PLCB4: variants seen among roughly 807,000 people sequenced by gnomAD.
PLCB4 encodes phospholipase C beta 4, also known as 1-phosphatidylinositol 4,5-bisphosphate phosphodiesterase beta-4.
Under a neutral mutation model 178.8 loss-of-function variants are expected in PLCB4, and 77 were observed. The observed-to-expected ratio is 0.43, with a 90% CI of 0.36 to 0.52. The LOEUF (loss-of-function observed/expected upper bound fraction) is 0.52. PLCB4 is among the 20% of genes least tolerant of loss of function. The pLI is 0.00. For missense variants in PLCB4, 1,024 were observed against 1,453.4 expected (o/e 0.70, Z 4.80); for synonymous variants, 496 against 490.8 (o/e 1.01, Z -0.14).
chr20:9,477,143 G>C (rs997041268), intron 39 of PLCB4, among the ~76,000 whole-genome samples: 1 of 152,112 alleles, frequency 6.6e-6, no homozygotes, highest in Non-Finnish European at 1.5e-5. Context: ...GCTGAAAGTT[G>C]GTTGGTGGTT....
chr20:9,425,531 G>T (rs532760763), intron 28 of PLCB4, among the ~76,000 whole-genome samples: 1 of 152,320 alleles, frequency 6.6e-6, no homozygotes, highest in East Asian at 1.9e-4. Flanking sequence ...GTTCAGAATG[G>T]ATGTAAGCAT....
At chr20:9,469,384 G>A (rs753561645) in intron 36 of PLCB4, among the ~76,000 whole-genome samples, 1 of 152,198 alleles carries the variant, frequency 6.6e-6, no homozygotes, top group Non-Finnish European at 1.5e-5. Flanking sequence ...GGCCAGTTCT[G>A]AATAGCAGCA....
chr20:9,233,695 A>C (rs2093959761), intron 3 of PLCB4, among the ~76,000 whole-genome samples: 1 of 152,158 alleles, frequency 6.6e-6, no homozygotes, highest in Non-Finnish European at 1.5e-5. Flanking sequence ...GGTTGCAAGT[A>C]AGTTTGAGAA....
At chr20:9,208,914 G>A (rs991148164) in intron 2 of PLCB4, among the ~76,000 whole-genome samples, 2 of 152,156 alleles carry the variant, frequency 1.3e-5, no homozygotes, top group African/African-American at 4.8e-5. Context: ...CAAGTCAGTT[G>A]AATGAAAGAG....
intron 1 of PLCB4, among the ~76,000 whole-genome samples, chr20:9,095,498 A>G (rs917790924): frequency 2.6e-5 from 4 of 152,236 alleles, no homozygotes; most frequent in African/African-American, 9.6e-5. Flanking sequence ...ATTTGACCGG[A>G]AACAGTTTAT....
chr20:9,081,182 CT>C (rs2090129869), intron 1 of PLCB4, among the ~76,000 whole-genome samples: 1 of 152,204 alleles, frequency 6.6e-6, no homozygotes, highest in Non-Finnish European at 1.5e-5. Context: ...ATAGACACTA[CT>C]TTATAAGTTT....
At chr20:9,153,606 T>G (rs1252154280) in intron 2 of PLCB4, among the ~76,000 whole-genome samples, 1 of 152,230 alleles carries the variant, frequency 6.6e-6, no homozygotes, top group Admixed American at 6.5e-5. Flanking sequence ...CGGATATGTC[T>G]TTATCATCAG....
intron 3 of PLCB4, among the ~76,000 whole-genome samples, chr20:9,271,712 CTT>C (rs1333747189): frequency 1.3e-5 from 2 of 152,100 alleles, no homozygotes; most frequent in Non-Finnish European, 2.9e-5. Context: ...ATTAGAAACA[CTT>C]AGCTTCTTCC....
intron 7 of PLCB4, among the ~76,000 whole-genome samples, chr20:9,339,980 T>A (rs2032986757): frequency 6.6e-6 from 1 of 152,116 alleles, no homozygotes. Context: ...CTGTAATGTG[T>A]GTGAAAAGGA....
intron 3 of PLCB4, among the ~76,000 whole-genome samples, chr20:9,285,262 T>C (rs138355054): frequency 6.6e-6 from 1 of 152,078 alleles, no homozygotes; most frequent in East Asian, 1.9e-4. Context: ...ACCAGCCTTG[T>C]TATGAACACA....
chr20:9,382,307 C>T, intron 13 of PLCB4, among the ~76,000 whole-genome samples: 1 of 152,348 alleles, frequency 6.6e-6, no homozygotes, highest in East Asian at 1.9e-4. Context: ...AATGCCTTCT[C>T]CTTCCTACTC....
At chr20:9,123,163 G>T (rs2092013839) in intron 2 of PLCB4, among the ~76,000 whole-genome samples, 2 of 151,998 alleles carry the variant, frequency 1.3e-5, no homozygotes, top group Admixed American at 6.6e-5. Context: ...GTGAGGAGAA[G>T]GATGGAAATT....
intron 3 of PLCB4, among the ~76,000 whole-genome samples, chr20:9,273,324 C>T (rs1392334983): frequency 2.0e-5 from 3 of 152,064 alleles, no homozygotes; most frequent in African/African-American, 7.2e-5. Flanking sequence ...AAACAACGCT[C>T]TTGAAGTAAG....
chr20:9,270,704 A>T (rs2147616268), intron 3 of PLCB4, among the ~76,000 whole-genome samples: 1 of 152,224 alleles, frequency 6.6e-6, no homozygotes, highest in South Asian at 2.1e-4. Context: ...TTTAATTATG[A>T]TTCCTGGGTA....
intron 25 of PLCB4, among the ~76,000 whole-genome samples, chr20:9,413,588 G>A (rs1416857296): frequency 6.6e-6 from 1 of 151,328 alleles, no homozygotes; most frequent in African/African-American, 2.4e-5. Flanking sequence ...GAACCTGGGA[G>A]GCAGAGCTTA....
intron 9 of PLCB4, among the ~76,000 whole-genome samples, chr20:9,366,714 G>A (rs926645640): frequency 3.3e-5 from 5 of 152,174 alleles, no homozygotes; most frequent in African/African-American, 1.2e-4. Flanking sequence ...CAGGGCATCT[G>A]CTTTTCACAT....
At chr20:9,189,959 C>T (rs917260223) in intron 2 of PLCB4, among the ~76,000 whole-genome samples, 3 of 152,164 alleles carry the variant, frequency 2.0e-5, no homozygotes, top group African/African-American at 4.8e-5. Context: ...CCATAGAGCA[C>T]ACCTTCTCCC....
chr20:9,444,598 C>G (rs1420420932), intron 32 of PLCB4, among the ~76,000 whole-genome samples: 1 of 152,056 alleles, frequency 6.6e-6, no homozygotes, highest in African/African-American at 2.4e-5. Flanking sequence ...CCTGTCTCTA[C>G]TAAAAATACA....
chr20:9,071,170 T>C (rs574022290), intron 1 of PLCB4, among the ~76,000 whole-genome samples: 1 of 152,278 alleles, frequency 6.6e-6, no homozygotes, highest in East Asian at 1.9e-4. Context: ...CAGGAAAAGA[T>C]TTTAAAAATT....
Sources: gnomAD v4.1 joint callset for allele counts (sites outside exome capture counted in the v4.1 genomes callset) on GRCh38, gnomAD v4.1.1 for gene constraint, MANE v1.5 for transcripts, NCBI Gene and HGNC (gene_info 2026-07-23, HGNC 2026-07-21) for gene names.